The following TMOD3 variants were observed in gnomAD, a reference collection of about 807,000 sequenced individuals.
The protein encoded by TMOD3 is tropomodulin 3, also known as tropomodulin-3.
TMOD3 carries 20 observed loss-of-function variants against 39.2 expected under a neutral mutation model. The observed-to-expected ratio is 0.51, with a 90% CI of 0.36 to 0.74. The LOEUF is 0.74. Among genes scored for constraint, TMOD3 ranks in the 30% least tolerant of loss-of-function variants. The probability of loss-of-function intolerance (pLI) is 0.00; values close to 1 mark genes in which losing one functional copy is unlikely to be tolerated. For synonymous variants in TMOD3, 143 were observed against 145.8 expected (o/e 0.98, Z 0.14); for missense variants, 381 against 412.8 (o/e 0.92, Z 0.67).
chr15:51,896,833 A>G (rs1294222836), intron 7 of TMOD3, among the ~76,000 whole-genome samples: 1 of 152,160 alleles, frequency 6.6e-6, no homozygotes, highest in Non-Finnish European at 1.5e-5. Flanking sequence ...TGTTGTATCA[A>G]TACATAGGGA....
At chr15:51,897,540 A>G (rs1469524226) in intron 7 of TMOD3, among the ~76,000 whole-genome samples, 4 of 138,838 alleles carry the variant, frequency 2.9e-5, no homozygotes, top group Non-Finnish European at 4.5e-5. Context: ...GCTAGAGTGC[A>G]GTGGCGCAAT....
At chr15:51,844,818 T>C (rs2056328005) in intron 1 of TMOD3, among the ~76,000 whole-genome samples, 1 of 152,218 alleles carries the variant, frequency 6.6e-6, no homozygotes, top group Admixed American at 6.5e-5. Flanking sequence ...ATAAGTTTGC[T>C]TTATTTGGTG....
chr15:51,913,772 G>A lies in TMOD3; in HGVS notation c.*4962G>A, dbSNP rs1036412503. 3 of 152,128 alleles carry A rather than the reference G, an allele frequency of 2.0e-5. No individual in the cohort carries two copies. Among genetic ancestry groups the A allele is most frequent in the Admixed American group, 6.5e-5 (1 of 15,268 alleles). 9.4% of individuals were successfully genotyped at this position (152,128 alleles called of 1,614,324 possible). ...TTATGCCTGTAATCCTAGCACTTTGGAAAGCCGAGGCCGACGGATCACTTG... is the reference window on the plus strand; with the variant it reads ...TTATGCCTGTAATCCTAGCACTTTGAAAAGCCGAGGCCGACGGATCACTTG... On this transcript the variant is annotated 3_prime_UTR_variant, in exon 10 of 10. Transcript: ENST00000308580.
chr15:51,848,351 T>G (rs1311881485), intron 1 of TMOD3, among the ~76,000 whole-genome samples: 1 of 152,218 alleles, frequency 6.6e-6, no homozygotes, highest in Non-Finnish European at 1.5e-5. Flanking sequence ...ATATTCATAC[T>G]CAGCCTCAAC....
Position 51,914,356 on chromosome 15 carries a change from A to G in TMOD3, c.*5546A>G, listed in dbSNP as rs1310887751. Reference sequence around the variant, plus strand: ...GTCTTTTACTTAGGACACCTGCTCTAGAGGCTAGATAAAAATAGATTGTAA... The same window carrying G: ...GTCTTTTACTTAGGACACCTGCTCTGGAGGCTAGATAAAAATAGATTGTAA... On this transcript the variant is annotated 3_prime_UTR_variant, in exon 10 of 10. Transcript: ENST00000308580. 1 of 152,062 alleles carries G rather than the reference A, an allele frequency of 6.6e-6. No homozygotes were observed. The highest frequency in any genetic ancestry group is 1.5e-5 in the Non-Finnish European group (1 of 68,014). 9.4% of individuals were successfully genotyped at this position (152,062 alleles called of 1,614,324 possible). A position where few individuals can be genotyped will look rare whatever the true frequency, so the allele number is the denominator to read the frequency against.
intron 3 of TMOD3, among the ~76,000 whole-genome samples, chr15:51,885,981 C>T (rs867385477): frequency 4.0e-5 from 6 of 150,192 alleles, no homozygotes; most frequent in South Asian, 2.1e-4. Context: ...ACCTCCCTCC[C>T]GGACGGGGCG....
chr15:51,875,672 G>C (rs1331808863), intron 3 of TMOD3, among the ~76,000 whole-genome samples: 1 of 143,882 alleles, frequency 7.0e-6, no homozygotes, highest in Non-Finnish European at 1.5e-5. Context: ...CTGGAGTGCA[G>C]TGGCGCGATC....
intron 1 of TMOD3, among the ~76,000 whole-genome samples, chr15:51,831,494 G>T (rs1478011336): frequency 2.6e-5 from 4 of 152,234 alleles, no homozygotes; most frequent in Non-Finnish European, 4.4e-5. Context: ...TCTGATGGGT[G>T]ATGCTGTCAG....
rs1366371872 is a variant in TMOD3, at chr15:51,912,499, C to A, written c.*3689C>A. On this transcript the variant is annotated 3_prime_UTR_variant, in exon 10 of 10. Coordinates refer to ENST00000308580, the MANE Select transcript of TMOD3 (RefSeq NM_014547.5). Reference sequence around the variant, plus strand: ...TATTGTACGTTATATTTAACTCTTGCTGTCATTAAAATAAGATGACAACAT... The same window carrying A: ...TATTGTACGTTATATTTAACTCTTGATGTCATTAAAATAAGATGACAACAT... 1.3e-5 allele frequency: 2 copies of A among 151,380 alleles called. No homozygotes were observed. Among genetic ancestry groups the A allele is most frequent in the Non-Finnish European group, 2.9e-5 (2 of 67,938 alleles). The allele number at this position is 151,380 out of a possible 1,614,324, so 9.4% of individuals were successfully genotyped here.
intron 1 of TMOD3, among the ~76,000 whole-genome samples, chr15:51,845,009 A>T (rs1281291574): frequency 6.6e-6 from 1 of 152,154 alleles, no homozygotes; most frequent in Non-Finnish European, 1.5e-5. Context: ...GTATGTACAT[A>T]TCTAGCATGA....
intron 4 of TMOD3, among the ~76,000 whole-genome samples, chr15:51,888,270 AG>A (rs1164392380): frequency 6.6e-6 from 1 of 152,206 alleles, no homozygotes; most frequent in African/African-American, 2.4e-5. Flanking sequence ...TAGATAGAAA[AG>A]TGTGATGCAT....
At chr15:51,846,797 T>A (rs1394114344) in intron 1 of TMOD3, among the ~76,000 whole-genome samples, 1 of 152,206 alleles carries the variant, frequency 6.6e-6, no homozygotes, top group Non-Finnish European at 1.5e-5. Flanking sequence ...ATGATGTCAT[T>A]TCTTTTTTTT....
At chr15:51,887,963 C>G (rs554576174) in intron 4 of TMOD3, among the ~76,000 whole-genome samples, 2 of 152,278 alleles carry the variant, frequency 1.3e-5, no homozygotes, top group East Asian at 3.9e-4. Flanking sequence ...CCCATGTTGT[C>G]ATATTTGAAA....
chr15:51,859,898 G>C, intron 1 of TMOD3: 2 of 539,204 alleles, frequency 3.7e-6, no homozygotes, highest in South Asian at 2.8e-5. Context: ...GAGTTCATGT[G>C]CCCTTCTGAA....
At chr15:51,888,738 A>G (rs1248296207) in intron 4 of TMOD3, among the ~76,000 whole-genome samples, 1 of 152,212 alleles carries the variant, frequency 6.6e-6, no homozygotes, top group Non-Finnish European at 1.5e-5. Flanking sequence ...AATGAACGGC[A>G]AAAATAGATC....
intron 1 of TMOD3, among the ~76,000 whole-genome samples, chr15:51,837,257 G>C (rs1406365104): frequency 6.6e-6 from 1 of 152,076 alleles, no homozygotes; most frequent in Non-Finnish European, 1.5e-5. Flanking sequence ...TTGATGAGGA[G>C]TTAAGGAATA....
intron 3 of TMOD3, among the ~76,000 whole-genome samples, chr15:51,875,817 A>C (rs1199288048): frequency 6.6e-6 from 1 of 151,786 alleles, no homozygotes; most frequent in African/African-American, 2.4e-5. Flanking sequence ...ACAGGGTTTC[A>C]CTGTGTTAGC....
intron 3 of TMOD3, among the ~76,000 whole-genome samples, chr15:51,870,263 T>G (rs1172828090): frequency 1.3e-5 from 2 of 152,142 alleles, no homozygotes; most frequent in Non-Finnish European, 1.5e-5. Context: ...AAAAGTTCTA[T>G]ATATAATAAT....
At chr15:51,876,104 T>C (rs1371631785) in intron 3 of TMOD3, among the ~76,000 whole-genome samples, 1 of 152,184 alleles carries the variant, frequency 6.6e-6, no homozygotes, top group Non-Finnish European at 1.5e-5. Flanking sequence ...TCTTTCTTTA[T>C]TTTGATTAGA....
Sources: gnomAD v4.1 joint callset for allele counts (sites outside exome capture counted in the v4.1 genomes callset) on GRCh38, gnomAD v4.1.1 for gene constraint, MANE v1.5 for transcripts, NCBI Gene and HGNC (gene_info 2026-07-23, HGNC 2026-07-21) for gene names.